Variants in GYPE observed in about 807,000 individuals in gnomAD.
GYPE encodes the protein glycophorin E (MNS blood group), also known as glycophorin-E.
A neutral mutation model predicts 11.6 loss-of-function variants in GYPE; 8 were observed. The observed-to-expected ratio is 0.69, with a 90% CI of 0.41 to 1.25. The LOEUF (loss-of-function observed/expected upper bound fraction) is 1.25, where lower values mean the gene tolerates loss of function less well. Among genes scored for constraint, GYPE ranks in the 50% most tolerant of loss-of-function variants. GYPE has a pLI of 0.01. For missense variants in GYPE, 90 were observed against 92.8 expected (o/e 0.97, Z 0.12); for synonymous variants, 28 against 29.6 (o/e 0.94, Z 0.18).
intron 1 of GYPE, among the ~76,000 whole-genome samples, chr4:143,898,604 T>G (rs896563664): frequency 6.6e-6 from 1 of 152,024 alleles, no homozygotes; most frequent in Non-Finnish European, 1.5e-5. Flanking sequence ...TACAATACCA[T>G]TGAGAAATTT....
intron 1 of GYPE, among the ~76,000 whole-genome samples, chr4:143,886,412 T>G (rs1468201440): frequency 1.6e-5 from 2 of 125,062 alleles, no homozygotes; most frequent in African/African-American, 5.7e-5. Context: ...GAAACCAAAT[T>G]TCCACAATAT....
chr4:143,876,276 T>C (rs2149904030), intron 3 of GYPE, among the ~76,000 whole-genome samples: 1 of 152,164 alleles, frequency 6.6e-6, no homozygotes, highest in South Asian at 2.1e-4. Context: ...ACCACGCCTT[T>C]CTAATTTTCA....
chr4:143,903,890 C>A (rs1343620718), intron 1 of GYPE, among the ~76,000 whole-genome samples: 1 of 151,712 alleles, frequency 6.6e-6, no homozygotes, highest in Non-Finnish European at 1.5e-5. Flanking sequence ...AAATGCTGGG[C>A]ACACCCCCCA....
chr4:143,882,930 T>C (rs934789287), intron 1 of GYPE, among the ~76,000 whole-genome samples: 4 of 152,154 alleles, frequency 2.6e-5, no homozygotes, highest in African/African-American at 4.8e-5. Flanking sequence ...TTAAATGAAA[T>C]GTTAATTGTT....
chr4:143,883,124 G>A (rs544501095), intron 1 of GYPE, among the ~76,000 whole-genome samples: 6 of 151,982 alleles, frequency 3.9e-5, no homozygotes, highest in Non-Finnish European at 7.4e-5. Context: ...TGATGCTGTC[G>A]TGGACATAGT....
At chr4:143,878,938 G>A (rs979626522) in intron 2 of GYPE, among the ~76,000 whole-genome samples, 1 of 152,136 alleles carries the variant, frequency 6.6e-6, no homozygotes, top group Non-Finnish European at 1.5e-5. Context: ...GAGGGGAAAG[G>A]AATGAGAAAG....
intron 1 of GYPE, among the ~76,000 whole-genome samples, chr4:143,886,343 A>T (rs1461693045): frequency 2.0e-5 from 3 of 149,796 alleles, no homozygotes; most frequent in Admixed American, 6.7e-5. Context: ...ACTTACCTGG[A>T]AGGAGAAACC....
intron 3 of GYPE, chr4:143,873,381 T>G: frequency 2.2e-6 from 1 of 453,618 alleles, no homozygotes; most frequent in South Asian, 1.6e-5. Flanking sequence ...TTGCAATCAC[T>G]TCTGAACCTT....
intron 3 of GYPE, chr4:143,875,577 C>T: frequency 6.5e-7 from 1 of 1,549,140 alleles, no homozygotes; most frequent in East Asian, 2.4e-5. Flanking sequence ...TCCACTTCAG[C>T]CTCTGATTGG....
intron 3 of GYPE, among the ~76,000 whole-genome samples, chr4:143,875,881 C>T (rs1018056578): frequency 3.3e-5 from 5 of 151,178 alleles, no homozygotes; most frequent in African/African-American, 1.2e-4. Flanking sequence ...GGCTGAAGCA[C>T]GAGAATCACT....
At chr4:143,873,376 A>G (rs1743682654) in intron 3 of GYPE, 1 of 442,646 alleles carries the variant, frequency 2.3e-6, no homozygotes, top group Non-Finnish European at 4.5e-6. Flanking sequence ...AATATTTGCA[A>G]TCACTTCTGA....
Position 143,870,867 on chromosome 4 carries a change from A to AAT in GYPE, c.*1393_*1394dup, listed in dbSNP as rs1161991136. The AAT allele has an allele frequency of 1.3e-3, 204 of 152,284 alleles. 1 individual carries two copies. Among genetic ancestry groups the AAT allele is most frequent in the African/African-American group, 4.5e-3 (189 of 41,550 alleles). 9.4% of individuals were successfully genotyped at this position (152,284 alleles called of 1,614,324 possible). On this transcript the variant is annotated 3_prime_UTR_variant, in exon 4 of 4. Transcript: ENST00000358615. ...TATAAAAAACTGCCCAAGACTGTGTAATTTATAAAGGAAAGAGGTTTTATT... is the reference window on the plus strand; with the variant it reads ...TATAAAAAACTGCCCAAGACTGTGTAATATTTATAAAGGAAAGAGGTTTTATT...
At chr4:143,889,838 C>A (rs1226195388) in intron 1 of GYPE, among the ~76,000 whole-genome samples, 1 of 152,078 alleles carries the variant, frequency 6.6e-6, no homozygotes, top group Non-Finnish European at 1.5e-5. Context: ...ATTAATTATT[C>A]TTTGTGGAGG....
chr4:143,897,673 A>G (rs2149915341), intron 1 of GYPE, among the ~76,000 whole-genome samples: 1 of 152,274 alleles, frequency 6.6e-6, no homozygotes, highest in East Asian at 1.9e-4. Flanking sequence ...CCCTATGTGA[A>G]TACCTGGCTG....
intron 1 of GYPE, among the ~76,000 whole-genome samples, chr4:143,900,605 G>T (rs1160980565): frequency 6.7e-6 from 1 of 149,110 alleles, no homozygotes; most frequent in Non-Finnish European, 1.5e-5. Flanking sequence ...AATGATGGAT[G>T]GATAAACAAA....
rs1257702135 is a variant in GYPE at position 143,871,604 on chromosome 4, C to T, written c.*658G>A. ...GGTGAATATATGGTAATGGGTAAATCCCACTTCACCTAATGAAGAAAAGGA... is the reference window on the plus strand; with the variant it reads ...GGTGAATATATGGTAATGGGTAAATTCCACTTCACCTAATGAAGAAAAGGA... On this transcript the variant is annotated 3_prime_UTR_variant, in exon 4 of 4. Transcript: ENST00000358615. 1 of 152,020 alleles carries T rather than the reference C, an allele frequency of 6.6e-6. No individual in the cohort carries two copies. 9.4% of individuals were successfully genotyped at this position (152,020 alleles called of 1,614,324 possible).
At position 143,902,891 on chromosome 4, in the gene GYPE, T is replaced by C. The variant is rs1316635260; in HGVS notation, c.37+2580A>G. Among the ~76,000 whole-genome samples the C allele has an allele frequency of 2.0e-5, 3 of 152,132 alleles. No individual in the cohort carries two copies. The East Asian group carries it at 5.8e-4, about 29-fold the overall frequency. The stretch of plus-strand genomic sequence containing the variant: ...CCTGGTTTATGCCATAATTTCCTAG[T>C]TGAAGTGATATAGTACTGTATTTTC... On this transcript the variant is annotated intron_variant, in intron 1 of 3. Coordinates refer to ENST00000358615, the MANE Select transcript of GYPE (RefSeq NM_198682.3).
intron 1 of GYPE, among the ~76,000 whole-genome samples, chr4:143,880,768 TC>T: frequency 6.6e-6 from 1 of 152,236 alleles, no homozygotes; most frequent in Non-Finnish European, 1.5e-5. Flanking sequence ...CTTGGTTTTC[TC>T]ATCTGTACAA....
intron 3 of GYPE, among the ~76,000 whole-genome samples, chr4:143,873,057 T>C (rs897328727): frequency 1.3e-5 from 2 of 152,128 alleles, no homozygotes; most frequent in African/African-American, 4.8e-5. Flanking sequence ...GGAGGGAATA[T>C]AAAAAACAAG....
Sources: gnomAD v4.1 joint callset for allele counts (sites outside exome capture counted in the v4.1 genomes callset) on GRCh38, gnomAD v4.1.1 for gene constraint, MANE v1.5 for transcripts, NCBI Gene and HGNC (gene_info 2026-07-23, HGNC 2026-07-21) for gene names.